Variants in MIPOL1 observed in about 807,000 individuals in gnomAD.
MIPOL1 encodes the protein mirror-image polydactyly 1, also known as mirror-image polydactyly gene 1 protein.
A neutral mutation model predicts 60.9 loss-of-function variants in MIPOL1; 57 were observed. The observed-to-expected ratio is 0.94, with a 90% CI of 0.76 to 1.17. The LOEUF (loss-of-function observed/expected upper bound fraction) is 1.17, where lower values mean the gene tolerates loss of function less well. Among genes scored for constraint, MIPOL1 ranks in the 50% most tolerant of loss-of-function variants. The pLI, the probability that MIPOL1 is intolerant of heterozygous loss-of-function variation, is 0.00. For missense variants in MIPOL1, 551 were observed against 511.6 expected (o/e 1.08, Z -0.74); for synonymous variants, 179 against 168.8 (o/e 1.06, Z -0.47).
chr14:37,439,946 C>G (rs1407504000), intron 11 of MIPOL1, among the ~76,000 whole-genome samples: 2 of 152,102 alleles, frequency 1.3e-5, no homozygotes, highest in African/African-American at 4.8e-5. Flanking sequence ...GCAGCCTCCC[C>G]CTCCAAGGGT....
chr14:37,476,515 C>G (rs1163387255), intron 11 of MIPOL1, among the ~76,000 whole-genome samples: 1 of 152,084 alleles, frequency 6.6e-6, no homozygotes, highest in Non-Finnish European at 1.5e-5. Context: ...TTCTCTTGAT[C>G]GTAGGGGTAA....
intron 7 of MIPOL1, among the ~76,000 whole-genome samples, chr14:37,303,052 C>T (rs76751830): frequency 1.8e-3 from 267 of 151,876 alleles, no homozygotes; most frequent in African/African-American, 6.0e-3. Flanking sequence ...AATTTTATTA[C>T]GTAAATCAGT....
chr14:37,446,998 A>G (rs970955772), intron 11 of MIPOL1, among the ~76,000 whole-genome samples: 7 of 151,958 alleles, frequency 4.6e-5, no homozygotes, highest in Non-Finnish European at 1.0e-4. Context: ...TGGGTGCAGC[A>G]CACCAGCATG....
chr14:37,448,664 G>A (rs1594384344), intron 11 of MIPOL1, among the ~76,000 whole-genome samples: 1 of 152,226 alleles, frequency 6.6e-6, no homozygotes, highest in Non-Finnish European at 1.5e-5. Flanking sequence ...TAATGTCATC[G>A]TTTGCTGTGC....
intron 11 of MIPOL1, among the ~76,000 whole-genome samples, chr14:37,495,592 C>G (rs1257843668): frequency 2.7e-4 from 38 of 143,034 alleles, no homozygotes; most frequent in Non-Finnish European, 5.2e-4. Flanking sequence ...AATAAACATA[C>G]GTGTGCATGT....
chr14:37,521,020 T>G (rs889229056), intron 12 of MIPOL1, among the ~76,000 whole-genome samples: 4 of 132,796 alleles, frequency 3.0e-5, no homozygotes, highest in African/African-American at 1.1e-4. Flanking sequence ...CACTGTGACC[T>G]CCACCTCCCA....
At chr14:37,477,846 G>A (rs980141965) in intron 11 of MIPOL1, among the ~76,000 whole-genome samples, 8 of 152,244 alleles carry the variant, frequency 5.3e-5, no homozygotes, top group Admixed American at 2.0e-4. Context: ...GCAGGTCACT[G>A]TAATGCCCCA....
intron 12 of MIPOL1, chr14:37,503,297 C>T (rs2095240158): frequency 6.6e-6 from 1 of 152,146 alleles, no homozygotes; most frequent in South Asian, 2.1e-4. Flanking sequence ...AGAGCAAACC[C>T]ATGAAACATA....
In MIPOL1 at chr14:37,328,112, A is replaced by C. The variant is rs546463036; in HGVS notation, c.828+19593A>C. ...ACTGCAACCTCCACCCCCCAAGTTC[A>C]ATCAATTCTTCTGCCCCAGCCTCCC... On this transcript the variant is annotated intron_variant, in intron 9 of 12. Coordinates refer to ENST00000684589, the MANE Select transcript of MIPOL1 (RefSeq NM_001388067.1). 3.3e-5 allele frequency among the ~76,000 whole-genome samples: 5 copies of C among 152,120 alleles called. No homozygotes were observed. The East Asian group carries it at 9.7e-4, about 29-fold the overall frequency.
intron 1 of MIPOL1, among the ~76,000 whole-genome samples, chr14:37,221,546 G>T (rs1177673393): frequency 6.6e-6 from 1 of 152,160 alleles, no homozygotes; most frequent in Admixed American, 6.5e-5. Flanking sequence ...AAGCATGGCT[G>T]GGGAGACTTC....
chr14:37,552,106 A>G (rs1204607435), downstream of MIPOL1: 2 of 152,074 alleles, frequency 1.3e-5, no homozygotes, highest in African/African-American at 4.8e-5. Context: ...TTTACAGCTT[A>G]GAGTACATGA....
intron 3 of MIPOL1, among the ~76,000 whole-genome samples, chr14:37,261,242 A>G (rs998064995): frequency 6.6e-6 from 1 of 151,882 alleles, no homozygotes; most frequent in Non-Finnish European, 1.5e-5. Context: ...ATTACATACA[A>G]TTGTTAACAG....
rs191793286 is a variant in MIPOL1 at position 37,395,270 on chromosome 14, T to C, written c.936+25646T>C. 3.9e-5 allele frequency among the ~76,000 whole-genome samples: 6 copies of C among 152,310 alleles called. No individual in the cohort carries two copies. In the East Asian group the frequency reaches 1.2e-3, roughly 29 times the overall value. On this transcript the variant is annotated intron_variant, in intron 10 of 12. Coordinates refer to ENST00000684589, the MANE Select transcript of MIPOL1 (RefSeq NM_001388067.1). ...CCATGTGAATTTTAGAATTGCTTTT[T>C]CTAATTCTGTGAAGAATGATGGTGG...
intron 11 of MIPOL1, among the ~76,000 whole-genome samples, chr14:37,494,044 A>G (rs1293747916): frequency 6.6e-6 from 1 of 152,206 alleles, no homozygotes; most frequent in African/African-American, 2.4e-5. Context: ...AGTTAAGGAA[A>G]GACCATTCTG....
intron 11 of MIPOL1, among the ~76,000 whole-genome samples, chr14:37,465,603 TG>T (rs1360766330): frequency 6.6e-6 from 1 of 152,290 alleles, no homozygotes; most frequent in East Asian, 1.9e-4. Context: ...CTTTTGATAT[TG>T]GATGCATCTT....
chr14:37,343,026 A>G (rs1267666040), intron 9 of MIPOL1, among the ~76,000 whole-genome samples: 4 of 150,300 alleles, frequency 2.7e-5, no homozygotes, highest in East Asian at 1.9e-4. Flanking sequence ...ATATAGAAAC[A>G]TGTCATTGCA....
intron 7 of MIPOL1, among the ~76,000 whole-genome samples, chr14:37,294,378 C>T (rs752844152): frequency 1.8e-4 from 28 of 151,968 alleles, no homozygotes; most frequent in African/African-American, 5.1e-4. Flanking sequence ...GCAGAAAAAC[C>T]GGAAACTCTA....
intron 12 of MIPOL1, among the ~76,000 whole-genome samples, chr14:37,523,846 G>A (rs1462886779): frequency 1.3e-5 from 2 of 152,160 alleles, no homozygotes; most frequent in Non-Finnish European, 2.9e-5. Flanking sequence ...TGCTAGGAAA[G>A]TATAACAGGC....
intron 12 of MIPOL1, among the ~76,000 whole-genome samples, chr14:37,521,309 G>A (rs2095411724): frequency 6.6e-6 from 1 of 152,066 alleles, no homozygotes. Flanking sequence ...CATTGTGGGT[G>A]TTTTGGCCTT....
Sources: allele counts gnomAD v4.1 joint callset (sites outside exome capture counted in the v4.1 genomes callset), GRCh38; gene constraint gnomAD v4.1.1; transcripts MANE v1.5; gene names NCBI Gene and HGNC (gene_info 2026-07-23, HGNC 2026-07-21).